The following OSBPL8 variants were observed in gnomAD, a reference collection of about 807,000 sequenced individuals.
The protein encoded by OSBPL8 is oxysterol binding protein like 8.
OSBPL8 carries 59 observed loss-of-function variants against 125.5 expected under a neutral mutation model. The observed-to-expected ratio is 0.47, with a 90% CI of 0.38 to 0.58. The LOEUF (loss-of-function observed/expected upper bound fraction) is 0.58, where lower values mean the gene tolerates loss of function less well. Ranked by LOEUF, OSBPL8 falls within the 20% of genes least tolerant of loss-of-function variation. The probability of loss-of-function intolerance (pLI) is 0.00; values close to 1 mark genes in which losing one functional copy is unlikely to be tolerated. For missense variants in OSBPL8, 758 were observed against 1,047.8 expected (o/e 0.72, Z 3.82); for synonymous variants, 330 against 338.9 (o/e 0.97, Z 0.29).
At chr12:76,537,422 A>G (rs1283750014) in intron 1 of OSBPL8, among the ~76,000 whole-genome samples, 2 of 152,232 alleles carry the variant, frequency 1.3e-5, no homozygotes, top group East Asian at 3.8e-4. Context: ...TGTGCAAACT[A>G]ACTTAAATCT....
At chr12:76,464,194 A>G (rs527774482) in intron 2 of OSBPL8, among the ~76,000 whole-genome samples, 2 of 152,152 alleles carry the variant, frequency 1.3e-5, no homozygotes, top group African/African-American at 4.8e-5. Flanking sequence ...GCTTGAGCCC[A>G]GGAGTTCAAG....
At position 76,390,432 on chromosome 12, in the gene OSBPL8, T is replaced by G. The variant is rs757712259; in HGVS notation, c.1155A>C (p.Glu385Asp). Residue 385 changes from glutamate (E) to aspartate (D), a missense_variant, in exon 11 of 24, where the codon GAA (glutamate) becomes GAC (aspartate). Glu to Asp is a conservative substitution (Grantham distance 45). This residue lies in a region of OSBPL8 where 572 missense variants were observed against 762.0 expected (regional missense o/e 0.75). Transcript: ENST00000261183. ...KETTYTEQSH[E>D]ELGEAGEASQ... ...AGCAGACTTTTACCTCTCCAAGTTC[T>G]TCATGGCTCTGTTCAGTGTAGGTAG... The G allele has an allele frequency of 7.5e-6, 12 of 1,609,180 alleles. No homozygotes were observed. Among genetic ancestry groups the G allele is most frequent in the Non-Finnish European group, 1.0e-5 (12 of 1,177,196 alleles).
At chr12:76,400,351 G>A (rs113585907) in intron 6 of OSBPL8, among the ~76,000 whole-genome samples, 83 of 152,212 alleles carry the variant, frequency 5.5e-4, no homozygotes, top group African/African-American at 2.0e-3. Flanking sequence ...CTTTATTATG[G>A]CCACATAGTA....
At chr12:76,451,009 A>G in intron 3 of OSBPL8, 21 bp from the exon 4 acceptor site, 1 of 1,609,670 alleles carries the variant, frequency 6.2e-7, no homozygotes, top group Non-Finnish European at 8.5e-7. Flanking sequence ...GAAGGGAAAA[A>G]TAATTAGTAC....
chr12:76,508,775 C>CTCCTG, intron 1 of OSBPL8, among the ~76,000 whole-genome samples: 1 of 152,176 alleles, frequency 6.6e-6, no homozygotes, highest in Non-Finnish European at 1.5e-5. Context: ...ACAAATGCCA[C>CTCCTG]GGCAACATCA....
At chr12:76,461,809 G>C (rs928162599) in intron 2 of OSBPL8, among the ~76,000 whole-genome samples, 2 of 152,188 alleles carry the variant, frequency 1.3e-5, no homozygotes, top group African/African-American at 4.8e-5. Flanking sequence ...ATGAGAGACT[G>C]AGTGAGAGAC....
chr12:76,401,501 TTATTATC>T lies in OSBPL8; in HGVS notation c.366+1181_366+1187del, dbSNP rs1447794427. 7.2e-5 allele frequency among the ~76,000 whole-genome samples: 11 copies of T among 152,142 alleles called. No homozygotes were observed. The East Asian group carries it at 2.1e-3, about 29-fold the overall frequency. On this transcript the variant is annotated intron_variant, in intron 6 of 23. Coordinates refer to ENST00000261183, the MANE Select transcript of OSBPL8 (RefSeq NM_020841.5). ...ACAACAACCTTGTGAAGTAGAAGTATTATTATCCTTATTTTACAGACACGAAAACTGA... is the reference window on the plus strand; with the variant it reads ...ACAACAACCTTGTGAAGTAGAAGTATCTTATTTTACAGACACGAAAACTGA...
chr12:76,559,241 C>CAGG (rs1951200706), intron 1 of OSBPL8, among the ~76,000 whole-genome samples, 156 bp downstream of exon 1: 1 of 152,216 alleles, frequency 6.6e-6, no homozygotes, highest in Non-Finnish European at 1.5e-5. Context: ...TCCAATCCCC[C>CAGG]TACTCCAAAA....
At chr12:76,507,261 T>C (rs1286108368) in intron 1 of OSBPL8, among the ~76,000 whole-genome samples, 2 of 151,724 alleles carry the variant, frequency 1.3e-5, no homozygotes, top group Admixed American at 6.6e-5. Flanking sequence ...TTATTCTCTA[T>C]TTGGGATTTA....
At chr12:76,432,896 A>G (rs952944702) in intron 4 of OSBPL8, among the ~76,000 whole-genome samples, 8 of 152,206 alleles carry the variant, frequency 5.3e-5, no homozygotes, top group African/African-American at 1.9e-4. Flanking sequence ...CAGCACACTG[A>G]AAGAATCATA....
At chr12:76,399,399 G>A (rs1185245542) in intron 7 of OSBPL8, among the ~76,000 whole-genome samples, 1 of 152,124 alleles carries the variant, frequency 6.6e-6, no homozygotes, top group Non-Finnish European at 1.5e-5. Flanking sequence ...GAGGCCAAAA[G>A]AATAGGGTCT....
intron 4 of OSBPL8, among the ~76,000 whole-genome samples, chr12:76,411,143 T>C (rs987010540): frequency 5.9e-5 from 9 of 152,306 alleles, no homozygotes; most frequent in African/African-American, 2.2e-4. Flanking sequence ...ATACATTCAA[T>C]TAATGTTCAC....
intron 2 of OSBPL8, among the ~76,000 whole-genome samples, chr12:76,472,233 T>A (rs1876224710): frequency 6.6e-6 from 1 of 152,224 alleles, no homozygotes; most frequent in African/African-American, 2.4e-5. Flanking sequence ...ACATCATTTT[T>A]AAGATTCTAC....
intron 1 of OSBPL8, among the ~76,000 whole-genome samples, chr12:76,558,222 A>T (rs906083404): frequency 2.0e-5 from 3 of 152,184 alleles, no homozygotes; most frequent in African/African-American, 7.2e-5. Flanking sequence ...ATTCCAACCT[A>T]TTTTATAAAA....
chr12:76,513,963 G>A (rs1222817777), intron 1 of OSBPL8, among the ~76,000 whole-genome samples: 2 of 151,880 alleles, frequency 1.3e-5, no homozygotes, highest in African/African-American at 4.8e-5. Flanking sequence ...TCATTGTGTT[G>A]TTGGCTGGTT....
At chr12:76,371,713 T>A (rs942423541) in intron 18 of OSBPL8, 129 bp from the exon 19 acceptor site, 20 of 836,720 alleles carry the variant, frequency 2.4e-5, no homozygotes, top group Non-Finnish European at 3.1e-5. Flanking sequence ...AAAACAAATA[T>A]AACTAGCACT....
intron 2 of OSBPL8, among the ~76,000 whole-genome samples, 199 bp from the exon 3 acceptor site, chr12:76,460,094 A>G (rs10778674): frequency 6.6e-6 from 1 of 152,080 alleles, no homozygotes; most frequent in Non-Finnish European, 1.5e-5. Flanking sequence ...AAAAAAAGAT[A>G]TTGGATTAAG....
At chr12:76,409,322 G>A (rs929284744) in intron 5 of OSBPL8, among the ~76,000 whole-genome samples, 1 of 152,156 alleles carries the variant, frequency 6.6e-6, no homozygotes, top group Non-Finnish European at 1.5e-5. Flanking sequence ...AGAAGAAGCT[G>A]AACAAACAGG....
chr12:76,430,031 C>A (rs1870623105), intron 4 of OSBPL8, among the ~76,000 whole-genome samples: 1 of 152,144 alleles, frequency 6.6e-6, no homozygotes. Flanking sequence ...TGACTTCCAA[C>A]ACAACTACAG....
Sources: gnomAD v4.1 joint callset for allele counts (sites outside exome capture counted in the v4.1 genomes callset) on GRCh38, gnomAD v4.1.1 for gene constraint, gnomAD v4.1.1 regional missense constraint, MANE v1.5 for transcripts, NCBI Gene and HGNC (gene_info 2026-07-23, HGNC 2026-07-21) for gene names.